GLRA3: variants seen among roughly 807,000 people sequenced by gnomAD.
The protein encoded by GLRA3 is glycine receptor alpha 3.
Under a neutral mutation model 60.4 loss-of-function variants are expected in GLRA3, and 44 were observed. The observed-to-expected ratio is 0.73, with a 90% confidence interval of 0.57 to 0.94. GLRA3 has a LOEUF of 0.94. Among genes scored for constraint, GLRA3 ranks in the 40% least tolerant of loss-of-function variants. The pLI is 0.00. For missense variants in GLRA3, 508 were observed against 564.6 expected, an observed-to-expected ratio of 0.90 and a Z score of 1.02; for synonymous variants, 223 against 192.9, an observed-to-expected ratio of 1.16 and a Z score of -1.29.
chr4:174,754,623 T>C (rs1346730175), intron 3 of GLRA3, among the ~76,000 whole-genome samples: 2 of 152,126 alleles, frequency 1.3e-5, no homozygotes, highest in South Asian at 2.1e-4. Context: ...AGTGAATAAA[T>C]GTACCTTTGT....
intron 2 of GLRA3, among the ~76,000 whole-genome samples, chr4:174,779,100 C>T (rs2111270931): frequency 6.6e-6 from 1 of 152,314 alleles, no homozygotes; most frequent in African/African-American, 2.4e-5. Flanking sequence ...AGCAGTGGTT[C>T]TCCCAGCACG....
intron 1 of GLRA3, among the ~76,000 whole-genome samples, chr4:174,798,688 G>A (rs1326709190): frequency 2.6e-5 from 4 of 152,226 alleles, no homozygotes; most frequent in African/African-American, 7.2e-5. Flanking sequence ...ACTTTGGGAG[G>A]CCAAGGCGGG....
At position 174,637,299 on chromosome 4, in the gene GLRA3, T is replaced by C. The variant is rs1449161497; in HGVS notation, c.*6487A>G. 3 of 152,162 alleles carry C rather than the reference T, an allele frequency of 2.0e-5. No homozygotes were observed. Among genetic ancestry groups the C allele is most frequent in the African/African-American group, 7.2e-5 (3 of 41,440 alleles). 9.4% of individuals were successfully genotyped at this position (152,162 alleles called of 1,614,324 possible). A position where few individuals can be genotyped will look rare whatever the true frequency, so the allele number is the denominator to read the frequency against. ...TCATATAAAGATGGTACATGGAAAA[T>C]ATATGGCACATTTTCTTTTTGTTTT... is the stretch of plus-strand genomic sequence containing the variant. On this transcript the variant is annotated 3_prime_UTR_variant, in exon 10 of 10. Transcript: ENST00000274093.
chr4:174,786,423 C>T (rs977485335), intron 2 of GLRA3, among the ~76,000 whole-genome samples: 16 of 152,046 alleles, frequency 1.1e-4, no homozygotes, highest in South Asian at 8.3e-4. Flanking sequence ...AGGTACATGA[C>T]GACACAAGGG....
At chr4:174,805,697 G>T (rs1579637447) in intron 1 of GLRA3, among the ~76,000 whole-genome samples, 1 of 152,070 alleles carries the variant, frequency 6.6e-6, no homozygotes, top group South Asian at 2.1e-4. Context: ...AAATATCAGG[G>T]TAATAAAAAG....
intron 3 of GLRA3, among the ~76,000 whole-genome samples, chr4:174,746,928 A>G (rs1341974975): frequency 1.3e-5 from 2 of 152,210 alleles, no homozygotes; most frequent in African/African-American, 4.8e-5. Context: ...CTAATATATC[A>G]ACAAAAGAGG....
At chr4:174,708,350 C>G (rs759742962) in intron 5 of GLRA3, among the ~76,000 whole-genome samples, 6 of 151,956 alleles carry the variant, frequency 3.9e-5, no homozygotes, top group Non-Finnish European at 8.8e-5. Context: ...CCTCTCATCT[C>G]TCTTTAGAAA....
intron 5 of GLRA3, chr4:174,712,733 T>C (rs1273471219): frequency 1.3e-5 from 2 of 148,832 alleles, no homozygotes; most frequent in Non-Finnish European, 2.9e-5. Context: ...GGTTAAACTC[T>C]TTTTGCCTAC....
chr4:174,689,687 C>T (rs1172409788), intron 5 of GLRA3, among the ~76,000 whole-genome samples: 2 of 141,030 alleles, frequency 1.4e-5, no homozygotes, highest in Non-Finnish European at 3.0e-5. Flanking sequence ...CTACAAAATG[C>T]TCTAGGCTAA....
chr4:174,734,019 C>CTT (rs142249731), intron 3 of GLRA3, among the ~76,000 whole-genome samples: 4 of 148,880 alleles, frequency 2.7e-5, no homozygotes, highest in South Asian at 2.1e-4. Context: ...AATAGACTTT[C>CTT]TTTTTTTTTT....
In GLRA3 at chr4:174,828,750, A is replaced by C; in HGVS notation, c.62T>G (p.Leu21Arg). The change falls in exon 1 of 10, where the codon CTG (leucine) becomes CGG (arginine). Residue 21 changes from leucine to arginine, a missense_variant. Leu to Arg is a moderately radical substitution (Grantham distance 102). Around this residue, in one of 3 missense-constraint regions of GLRA3, gnomAD observed 329 missense variants for 349.3 expected, o/e 0.94. Transcript: ENST00000274093. ...ATCCAAGCGAACTCACCTGAGTAAC[A>C]GTGCTGCTTCCCAGAAGTAAAATCC... ...VSGFYFWEAA[L>R]LLSLVATKET... The C allele has an allele frequency of 4.4e-6, 7 of 1,606,730 alleles. No individual in the cohort carries two copies. The highest frequency in any genetic ancestry group is 6.0e-6 in the Non-Finnish European group (7 of 1,173,220).
At chr4:174,730,972 C>T (rs1391503052) in intron 3 of GLRA3, among the ~76,000 whole-genome samples, 1 of 152,018 alleles carries the variant, frequency 6.6e-6, no homozygotes, top group Non-Finnish European at 1.5e-5. Context: ...TTCAAAATCG[C>T]TAAAAGAATA....
chr4:174,675,319 C>A (rs1259021272), intron 7 of GLRA3, among the ~76,000 whole-genome samples: 2 of 152,110 alleles, frequency 1.3e-5, no homozygotes, highest in Admixed American at 1.3e-4. Flanking sequence ...ACAAAGCAGT[C>A]CTAGACATTC....
At chr4:174,656,114 A>T (rs1733190406) in intron 9 of GLRA3, among the ~76,000 whole-genome samples, 1 of 152,132 alleles carries the variant, frequency 6.6e-6, no homozygotes. Flanking sequence ...TAAACCACGT[A>T]CAGACCCAAA....
intron 5 of GLRA3, among the ~76,000 whole-genome samples, chr4:174,702,298 A>G (rs945446494): frequency 2.6e-5 from 4 of 152,208 alleles, no homozygotes; most frequent in Non-Finnish European, 5.9e-5. Context: ...TTAGCAATAA[A>G]GTATTTAAAA....
At chr4:174,683,235 T>C (rs1734423737) in intron 5 of GLRA3, among the ~76,000 whole-genome samples, 1 of 152,240 alleles carries the variant, frequency 6.6e-6, no homozygotes, top group East Asian at 1.9e-4. Context: ...GATGGGTAGC[T>C]ACTAGATTAA....
At chr4:174,792,771 A>G (rs962064084) in intron 1 of GLRA3, among the ~76,000 whole-genome samples, 1 of 152,182 alleles carries the variant, frequency 6.6e-6, no homozygotes, top group South Asian at 2.1e-4. Context: ...TAGGTCACAG[A>G]AAAATAGATT....
intron 1 of GLRA3, among the ~76,000 whole-genome samples, chr4:174,809,592 G>A (rs1001213924): frequency 6.6e-6 from 1 of 152,078 alleles, no homozygotes; most frequent in Non-Finnish European, 1.5e-5. Context: ...AATGAGCCAG[G>A]TATGGTGGCA....
At chr4:174,713,484 ATC>A (rs1735797888) in intron 5 of GLRA3, 2 of 152,152 alleles carry the variant, frequency 1.3e-5, no homozygotes, top group East Asian at 3.9e-4. Context: ...CCACTTCCTC[ATC>A]ACTCACCTAA....
Sources: allele counts gnomAD v4.1 joint callset (sites outside exome capture counted in the v4.1 genomes callset), GRCh38; gene constraint gnomAD v4.1.1; regional missense constraint gnomAD v4.1.1; transcripts MANE v1.5; gene names NCBI Gene and HGNC (gene_info 2026-07-23, HGNC 2026-07-21).